Variants in TMEM178B observed in about 807,000 individuals in gnomAD.
The protein encoded by TMEM178B is transmembrane protein 178B.
Under a neutral mutation model 31.0 loss-of-function variants are expected in TMEM178B, and 5 were observed. The observed-to-expected ratio is 0.16, with a 90% confidence interval of 0.08 to 0.34. The LOEUF (loss-of-function observed/expected upper bound fraction) is 0.34, where lower values mean the gene tolerates loss of function less well. TMEM178B is among the 10% of genes least tolerant of loss of function. The probability of loss-of-function intolerance (pLI) is 1.00; values close to 1 mark genes in which losing one functional copy is unlikely to be tolerated. For synonymous variants in TMEM178B, 164 were observed against 164.0 expected (o/e 1.00, Z 0.00); for missense variants, 275 against 400.3 (o/e 0.69, Z 2.67).
At chr7:141,116,232 T>C (rs1254893525) in intron 1 of TMEM178B, among the ~76,000 whole-genome samples, 1 of 152,168 alleles carries the variant, frequency 6.6e-6, no homozygotes, top group East Asian at 1.9e-4. Context: ...TGGTGTTCTT[T>C]GTGCCAACAC....
intron 2 of TMEM178B, among the ~76,000 whole-genome samples, chr7:141,218,220 G>A (rs1797193627): frequency 6.6e-6 from 1 of 152,018 alleles, no homozygotes; most frequent in Non-Finnish European, 1.5e-5. Context: ...CCAGCACAGT[G>A]GATCCTTGCA....
intron 1 of TMEM178B, among the ~76,000 whole-genome samples, chr7:141,115,510 GACTCAGA>G (rs1795304782): frequency 6.6e-6 from 1 of 152,210 alleles, no homozygotes; most frequent in Admixed American, 6.5e-5. Flanking sequence ...CCAGGCATAG[GACTCAGA>G]ACTTTCCCTT....
chr7:141,117,933 T>C lies in TMEM178B; in HGVS notation c.382+43241T>C, dbSNP rs568006675. ...TGTAGCCTTGTAGTATTGTTTGAGG[T>C]CAGGTAGCATGATGCCTGAACTTGG... On this transcript the variant is annotated intron_variant, in intron 1 of 3. Coordinates refer to ENST00000565468, the MANE Select transcript of TMEM178B (RefSeq NM_001195278.2). 8.5e-5 allele frequency among the ~76,000 whole-genome samples: 13 copies of C among 152,278 alleles called. No homozygotes were observed. In the East Asian group the frequency reaches 2.5e-3, roughly 29 times the overall value.
rs531744199 is a variant in TMEM178B, at chr7:141,341,671, G to A, written c.497-95937G>A. Among the ~76,000 whole-genome samples, 209 of 152,162 alleles carry A rather than the reference G, an allele frequency of 1.4e-3. 2 individuals carry two copies. The highest frequency in any genetic ancestry group is 4.7e-3 in the African/African-American group (195 of 41,508). On this transcript the variant is annotated intron_variant, in intron 2 of 3. Transcript: ENST00000565468. Reference sequence around the variant, plus strand: ...CACTAAGGGCTCTGCCAACTCTCCTGTCTAGCAATTTAGTGATTAATCATT... The same window carrying A: ...CACTAAGGGCTCTGCCAACTCTCCTATCTAGCAATTTAGTGATTAATCATT...
intron 2 of TMEM178B, among the ~76,000 whole-genome samples, chr7:141,389,333 CAT>C (rs1800492330): frequency 1.3e-5 from 2 of 152,214 alleles, no homozygotes; most frequent in South Asian, 4.1e-4. Context: ...GAGTAAGTCA[CAT>C]GTGCTCTCCT....
chr7:141,303,402 A>G (rs1366607639), intron 2 of TMEM178B, among the ~76,000 whole-genome samples: 2 of 152,152 alleles, frequency 1.3e-5, no homozygotes, highest in Middle Eastern at 3.2e-3. Context: ...GAGATTCAGA[A>G]CCCATCCAAA....
chr7:141,261,184 G>C (rs1378861444), intron 2 of TMEM178B, among the ~76,000 whole-genome samples: 1 of 152,104 alleles, frequency 6.6e-6, no homozygotes, highest in Non-Finnish European at 1.5e-5. Context: ...ATTTTGTTTG[G>C]GGCACAAAGT....
At chr7:141,223,032 C>T (rs761089534) in intron 2 of TMEM178B, among the ~76,000 whole-genome samples, 15 of 152,128 alleles carry the variant, frequency 9.9e-5, no homozygotes, top group South Asian at 2.1e-4. Context: ...AAGATAAATA[C>T]AATGTGAGTA....
At chr7:141,229,015 T>A (rs1021095636) in intron 2 of TMEM178B, among the ~76,000 whole-genome samples, 1 of 1,828 alleles carries the variant, frequency 5.5e-4, no homozygotes, top group Admixed American at 0.012. Flanking sequence ...AGTACTATCT[T>A]TTTTTTTTTT....
intron 2 of TMEM178B, among the ~76,000 whole-genome samples, chr7:141,386,591 G>A (rs1800434831): frequency 6.6e-6 from 1 of 152,100 alleles, no homozygotes; most frequent in African/African-American, 2.4e-5. Flanking sequence ...ATTACCTCAG[G>A]CATTTATTAT....
intron 2 of TMEM178B, among the ~76,000 whole-genome samples, chr7:141,402,549 G>A (rs766293021): frequency 4.6e-5 from 7 of 152,186 alleles, no homozygotes; most frequent in Non-Finnish European, 1.0e-4. Context: ...AGGACCAAGC[G>A]GGCTGGTGCT....
intron 2 of TMEM178B, among the ~76,000 whole-genome samples, chr7:141,276,033 C>T (rs931951617): frequency 6.6e-6 from 1 of 152,188 alleles, no homozygotes; most frequent in Admixed American, 6.5e-5. Flanking sequence ...GATGATTCTT[C>T]CTCTGTTTTG....
intron 1 of TMEM178B, among the ~76,000 whole-genome samples, chr7:141,119,562 C>T (rs1158373724): frequency 1.3e-5 from 2 of 152,206 alleles, no homozygotes; most frequent in African/African-American, 2.4e-5. Context: ...GTAACATCTA[C>T]ACCTCAGGGT....
intron 1 of TMEM178B, among the ~76,000 whole-genome samples, chr7:141,078,832 G>T (rs1166742488): frequency 6.7e-6 from 1 of 149,828 alleles, no homozygotes; most frequent in Non-Finnish European, 1.5e-5. Flanking sequence ...GTTTGGCCTT[G>T]TGAGTGTTGA....
intron 2 of TMEM178B, among the ~76,000 whole-genome samples, chr7:141,301,794 G>T (rs1033136685): frequency 6.6e-6 from 1 of 152,212 alleles, no homozygotes; most frequent in African/African-American, 2.4e-5. Context: ...GTGAGCACCA[G>T]TGCAGAAAGA....
intron 1 of TMEM178B, among the ~76,000 whole-genome samples, chr7:141,094,524 T>TG (rs888998769): frequency 2.6e-4 from 40 of 152,224 alleles, no homozygotes; most frequent in African/African-American, 9.4e-4. Context: ...ACTGGGTGGC[T>TG]GGTGATTGGT....
At chr7:141,249,225 G>A (rs1453417833) in intron 2 of TMEM178B, among the ~76,000 whole-genome samples, 1 of 152,144 alleles carries the variant, frequency 6.6e-6, no homozygotes, top group Admixed American at 6.5e-5. Context: ...TACTGTTCTC[G>A]TGGTAGTGAA....
chr7:141,178,942 C>G (rs1328353301), intron 1 of TMEM178B, among the ~76,000 whole-genome samples: 1 of 152,204 alleles, frequency 6.6e-6, no homozygotes, highest in East Asian at 1.9e-4. Context: ...AGAATGTGCA[C>G]TTTCTGTGAA....
At chr7:141,482,194 T>A (rs928913194), downstream of TMEM178B, among the ~76,000 whole-genome samples, 2 of 152,348 alleles carry the variant, frequency 1.3e-5, no homozygotes, top group East Asian at 3.9e-4. Flanking sequence ...GGCGCAAATG[T>A]TCCTAGTGAG....
Sources: gnomAD v4.1 joint callset for allele counts (sites outside exome capture counted in the v4.1 genomes callset) on GRCh38, gnomAD v4.1.1 for gene constraint, MANE v1.5 for transcripts, NCBI Gene and HGNC (gene_info 2026-07-23, HGNC 2026-07-21) for gene names.